Variants in PARVA observed in about 807,000 individuals in gnomAD.
The protein encoded by PARVA is parvin alpha, also known as alpha-parvin.
A neutral mutation model predicts 52.6 loss-of-function variants in PARVA; 25 were observed. That is an observed-to-expected ratio of 0.48 (90% CI 0.35 to 0.66). PARVA has a LOEUF of 0.66. PARVA is among the 30% of genes least tolerant of loss of function. The probability of loss-of-function intolerance (pLI) is 0.01; values close to 1 mark genes in which losing one functional copy is unlikely to be tolerated. For synonymous variants in PARVA, 185 were observed against 179.1 expected (o/e 1.03, Z -0.26); for missense variants, 373 against 450.9 (o/e 0.83, Z 1.56).
In PARVA at chr11:12,527,924, G is replaced by A. The variant is rs2135094346; in HGVS notation, c.1118G>A (p.Ter373=). The A allele has an allele frequency of 1.2e-6, 2 of 1,610,700 alleles. No homozygotes were observed. The highest frequency in any genetic ancestry group is 1.7e-6 in the Non-Finnish European group (2 of 1,177,922). Residue 373 remains the stop codon, a stop_retained_variant, in exon 13 of 13, where the codon TGA becomes TAA. Coordinates refer to ENST00000334956, the MANE Select transcript of PARVA (RefSeq NM_018222.5). ...NLFTKYRNVE[*] ...TTCACCAAGTACCGTAACGTGGAGT[G>A]AGGGGCTGCCCTGGGCCCACCACTG...
intron 4 of PARVA, among the ~76,000 whole-genome samples, chr11:12,496,127 A>C (rs1941295134): frequency 6.6e-6 from 1 of 152,244 alleles, no homozygotes; most frequent in Non-Finnish European, 1.5e-5. Context: ...CAGTCGGAGC[A>C]CAGAGATGTC....
At chr11:12,515,622 C>T (rs1941558507) in intron 10 of PARVA, among the ~76,000 whole-genome samples, 1 of 152,200 alleles carries the variant, frequency 6.6e-6, no homozygotes, top group African/African-American at 2.4e-5. Flanking sequence ...GACCCCAACC[C>T]TAACCCAAGG....
chr11:12,521,068 A>C (rs1020156054), intron 12 of PARVA, among the ~76,000 whole-genome samples: 4 of 152,178 alleles, frequency 2.6e-5, no homozygotes, highest in Non-Finnish European at 5.9e-5. Context: ...ACTCATCATC[A>C]ATTATGGTTA....
intron 1 of PARVA, among the ~76,000 whole-genome samples, chr11:12,431,926 T>C (rs1050836759): frequency 2.6e-5 from 4 of 152,258 alleles, no homozygotes; most frequent in African/African-American, 9.6e-5. Context: ...TTACTCTGGC[T>C]GCAGCCTTGG....
At chr11:12,384,890 C>A (rs1939549269) in intron 1 of PARVA, among the ~76,000 whole-genome samples, 1 of 152,110 alleles carries the variant, frequency 6.6e-6, no homozygotes, top group South Asian at 2.1e-4. Flanking sequence ...TGGGCCTTTA[C>A]TCAGAGTTAG....
At chr11:12,376,759 T>C, upstream of PARVA, 2 of 980,688 alleles carry the variant, frequency 2.0e-6, no homozygotes, top group Non-Finnish European at 2.4e-6. Flanking sequence ...ACGTGCCTTT[T>C]AATCATTTCC....
chr11:12,451,517 C>T (rs1333943912), intron 1 of PARVA, among the ~76,000 whole-genome samples: 1 of 151,582 alleles, frequency 6.6e-6, no homozygotes, highest in Non-Finnish European at 1.5e-5. Flanking sequence ...TTATATCAAA[C>T]ATGCAGGTAA....
Position 12,504,408 on chromosome 11 carries a change from C to T in PARVA, c.636C>T (p.Ser212=). Residue 212 remains serine (S), a synonymous_variant, in exon 6 of 13, where the codon TCC becomes TCT. Coordinates refer to ENST00000334956, the MANE Select transcript of PARVA (RefSeq NM_018222.5). ...CAATTCGACTCCCAGACCATGTTTC[C>T]ATCCAAGTGGTTGTGGTCCAGGTAA... The part of the protein sequence containing the change: ...RAPIRLPDHV[S]IQVVVVQKRE... 2 of 1,612,366 alleles carry T rather than the reference C, an allele frequency of 1.2e-6. No homozygotes were observed. Among genetic ancestry groups the T allele is most frequent in the South Asian group, 1.1e-5 (1 of 90,996 alleles).
rs1298104563 is a variant in PARVA, at chr11:12,473,965, G to A, written c.279G>A (p.Lys93=). ...ATCCAAACTCACGCAGTGACCCCAA[G>A]CTTCAAGAACTGATGAAGGTAAGAA... The part of the protein sequence containing the change: ...MVDPNSRSDP[K]LQELMKVLID... Residue 93 remains lysine, a synonymous_variant, in exon 3 of 13, where the codon AAG becomes AAA. Transcript: ENST00000334956. The A allele has an allele frequency of 4.4e-6, 7 of 1,579,866 alleles. No homozygotes were observed. Among genetic ancestry groups the A allele is most frequent in the South Asian group, 2.3e-5 (2 of 85,760 alleles).
intron 1 of PARVA, among the ~76,000 whole-genome samples, chr11:12,394,496 T>C (rs138333564): frequency 2.6e-5 from 4 of 152,338 alleles, no homozygotes; most frequent in East Asian, 3.9e-4. Flanking sequence ...TCAAGGTACA[T>C]ACTGAAATGT....
intron 5 of PARVA, among the ~76,000 whole-genome samples, chr11:12,503,925 C>G (rs1941394150): frequency 6.6e-6 from 1 of 152,152 alleles, no homozygotes; most frequent in Non-Finnish European, 1.5e-5. Context: ...ATCTGCCTGG[C>G]TTCCAGGGAG....
intron 1 of PARVA, among the ~76,000 whole-genome samples, chr11:12,427,759 A>C (rs1452260246): frequency 6.6e-6 from 1 of 152,258 alleles, no homozygotes; most frequent in Non-Finnish European, 1.5e-5. Flanking sequence ...AAAAACATCA[A>C]ATACAGCTGC....
At chr11:12,399,458 A>G (rs1939795276) in intron 1 of PARVA, among the ~76,000 whole-genome samples, 1 of 152,176 alleles carries the variant, frequency 6.6e-6, no homozygotes, top group South Asian at 2.1e-4. Context: ...ACCCTGTTCA[A>G]CTAGACAGTG....
At chr11:12,504,526 A>G (rs1183627718) in intron 6 of PARVA, 97 bp downstream of exon 6, 6 of 728,984 alleles carry the variant, frequency 8.2e-6, no homozygotes, top group Admixed American at 2.2e-5. Flanking sequence ...GGATGGCTGC[A>G]TGAATGTTGA....
At chr11:12,404,266 A>G (rs1480842565) in intron 1 of PARVA, among the ~76,000 whole-genome samples, 1 of 152,172 alleles carries the variant, frequency 6.6e-6, no homozygotes, top group Non-Finnish European at 1.5e-5. Flanking sequence ...TTATAGCAGG[A>G]TATTCCAGGG....
rs188879357 is a variant in PARVA at position 12,452,363 on chromosome 11, C to G, written c.137-21382C>G. On this transcript the variant is annotated intron_variant, in intron 1 of 12. Transcript: ENST00000334956. ...CTCCTCTCCTGTGGGGAGAGCCTGT[C>G]CTATCATAAGAGACAACCTAAACTA... Among the ~76,000 whole-genome samples the G allele has an allele frequency of 2.4e-3, 370 of 152,176 alleles. 1 individual carries two copies. Among genetic ancestry groups the G allele is most frequent in the African/African-American group, 8.4e-3 (349 of 41,526 alleles).
intron 1 of PARVA, among the ~76,000 whole-genome samples, chr11:12,435,880 T>C (rs1940380185): frequency 6.6e-6 from 1 of 152,108 alleles, no homozygotes; most frequent in Non-Finnish European, 1.5e-5. Context: ...TGCAGTGGCG[T>C]GATCTCGGCT....
intron 5 of PARVA, among the ~76,000 whole-genome samples, chr11:12,498,571 CTTTT>C (rs138332169): frequency 3.3e-4 from 28 of 84,116 alleles, no homozygotes; most frequent in Admixed American, 1.3e-3. Context: ...GTCATATACA[CTTTT>C]TTTTTTTTTT....
chr11:12,496,281 C>T (rs1941296546), intron 4 of PARVA, among the ~76,000 whole-genome samples, 177 bp from the exon 5 acceptor site: 1 of 150,206 alleles, frequency 6.7e-6, no homozygotes. Context: ...GCTGGTGCCA[C>T]CATAAGGTGA....
Sources: allele counts gnomAD v4.1 joint callset (sites outside exome capture counted in the v4.1 genomes callset), GRCh38; gene constraint gnomAD v4.1.1; transcripts MANE v1.5; gene names NCBI Gene and HGNC (gene_info 2026-07-23, HGNC 2026-07-21).